ITFG1: variants seen among roughly 807,000 people sequenced by gnomAD.
The protein encoded by ITFG1 is T-cell immunomodulatory protein.
Under a neutral mutation model 81.8 loss-of-function variants are expected in ITFG1, and 34 were observed. The ratio of observed to expected loss-of-function variants is 0.42; its 90% CI spans 0.32 to 0.55. ITFG1 has a LOEUF of 0.55. ITFG1 is among the 20% of genes least tolerant of loss of function. The probability of loss-of-function intolerance (pLI) is 0.17; values close to 1 mark genes in which losing one functional copy is unlikely to be tolerated. For synonymous variants in ITFG1, 285 were observed against 270.6 expected, an observed-to-expected ratio of 1.05 and a Z score of -0.52; for missense variants, 672 against 755.4, an observed-to-expected ratio of 0.89 and a Z score of 1.29.
intron 1 of ITFG1, among the ~76,000 whole-genome samples, chr16:47,459,565 T>C (rs1218786660): frequency 2.0e-5 from 3 of 152,198 alleles, no homozygotes; most frequent in Non-Finnish European, 4.4e-5. Flanking sequence ...TTTGGTTCAT[T>C]ACACAGATGC....
chr16:47,309,206 C>G (rs544532332), intron 10 of ITFG1, among the ~76,000 whole-genome samples: 22 of 151,746 alleles, frequency 1.4e-4, no homozygotes, highest in African/African-American at 5.1e-4. Context: ...GTAGCTGGGA[C>G]TACAGGCGCC....
chr16:47,445,563 T>C (rs1463666863), intron 5 of ITFG1, among the ~76,000 whole-genome samples: 2 of 152,210 alleles, frequency 1.3e-5, no homozygotes, highest in African/African-American at 2.4e-5. Flanking sequence ...GATGGTCACA[T>C]TATTTCCCAT....
At chr16:47,333,001 A>C (rs1967655112) in intron 8 of ITFG1, among the ~76,000 whole-genome samples, 1 of 152,194 alleles carries the variant, frequency 6.6e-6, no homozygotes, top group African/African-American at 2.4e-5. Flanking sequence ...TGAATTAATC[A>C]CCGAAAGGGA....
At chr16:47,176,531 T>C (rs1033633057) in intron 14 of ITFG1, among the ~76,000 whole-genome samples, 4 of 152,214 alleles carry the variant, frequency 2.6e-5, no homozygotes, top group Non-Finnish European at 4.4e-5. Flanking sequence ...AACCTACAAA[T>C]GATTTGGCCA....
At chr16:47,357,708 C>A (rs1390195468) in intron 8 of ITFG1, among the ~76,000 whole-genome samples, 2 of 151,592 alleles carry the variant, frequency 1.3e-5, no homozygotes, top group African/African-American at 4.8e-5. Flanking sequence ...AACACTCTTA[C>A]CTAGAAAGGC....
chr16:47,266,364 C>A (rs140850094), intron 10 of ITFG1, among the ~76,000 whole-genome samples: 1 of 152,058 alleles, frequency 6.6e-6, no homozygotes, highest in Non-Finnish European at 1.5e-5. Flanking sequence ...ATTACAGGCG[C>A]CTGCAATCAT....
chr16:47,183,478 C>T (rs970786015), intron 14 of ITFG1, among the ~76,000 whole-genome samples: 1 of 152,190 alleles, frequency 6.6e-6, no homozygotes, highest in East Asian at 1.9e-4. Flanking sequence ...GACCCCTGAC[C>T]CCTGACCCCC....
intron 10 of ITFG1, among the ~76,000 whole-genome samples, chr16:47,307,934 A>G (rs1256749437): frequency 6.6e-6 from 1 of 152,176 alleles, no homozygotes; most frequent in Non-Finnish European, 1.5e-5. Flanking sequence ...GCCTAGGAAA[A>G]TGGCCTCTAG....
chr16:47,361,004 T>C (rs1019774954), intron 8 of ITFG1, among the ~76,000 whole-genome samples: 6 of 152,326 alleles, frequency 3.9e-5, no homozygotes, highest in Admixed American at 3.3e-4. Context: ...GGGTTAACCA[T>C]CAATGACACT....
intron 12 of ITFG1, among the ~76,000 whole-genome samples, chr16:47,238,549 A>G (rs1030434504): frequency 6.6e-6 from 1 of 152,218 alleles, no homozygotes; most frequent in African/African-American, 2.4e-5. Flanking sequence ...TTTATTGTAT[A>G]ACCAGCAAAA....
chr16:47,363,208 C>T (rs1021267704), intron 8 of ITFG1, among the ~76,000 whole-genome samples: 1 of 151,838 alleles, frequency 6.6e-6, no homozygotes, highest in Admixed American at 6.6e-5. Flanking sequence ...CTGTAAAATT[C>T]CTAAAGACAA....
intron 13 of ITFG1, among the ~76,000 whole-genome samples, chr16:47,230,285 A>C (rs1354321631): frequency 6.6e-6 from 1 of 152,202 alleles, no homozygotes; most frequent in African/African-American, 2.4e-5. Flanking sequence ...AAGAAAGAGC[A>C]GGAAGGCAGC....
chr16:47,177,974 A>C (rs1965051154), intron 14 of ITFG1, among the ~76,000 whole-genome samples: 1 of 152,226 alleles, frequency 6.6e-6, no homozygotes, highest in Non-Finnish European at 1.5e-5. Context: ...CAGAAGTGAA[A>C]ACAAAAAAGG....
chr16:47,181,987 G>C (rs1033271172), intron 14 of ITFG1, among the ~76,000 whole-genome samples: 1 of 152,026 alleles, frequency 6.6e-6, no homozygotes, highest in Admixed American at 6.6e-5. Flanking sequence ...AAGGCAGCAG[G>C]CTCCTTAAGA....
intron 4 of ITFG1, among the ~76,000 whole-genome samples, chr16:47,451,948 C>G (rs1277015221): frequency 6.6e-6 from 1 of 152,214 alleles, no homozygotes; most frequent in Non-Finnish European, 1.5e-5. Context: ...CCTAAGCCAA[C>G]TTGTTTACTT....
chr16:47,315,370 G>C (rs2151566190), intron 8 of ITFG1, among the ~76,000 whole-genome samples: 1 of 151,770 alleles, frequency 6.6e-6, no homozygotes, highest in East Asian at 1.9e-4. Context: ...ATACAAAAAT[G>C]TGATTTACAA....
intron 10 of ITFG1, among the ~76,000 whole-genome samples, chr16:47,291,913 G>A (rs765993461): frequency 3.3e-5 from 5 of 151,202 alleles, no homozygotes; most frequent in Non-Finnish European, 7.4e-5. Flanking sequence ...CTGAGTTTCC[G>A]TAATATCATT....
At chr16:47,444,158 T>C (rs1305053775) in intron 5 of ITFG1, among the ~76,000 whole-genome samples, 1 of 152,186 alleles carries the variant, frequency 6.6e-6, no homozygotes, top group Non-Finnish European at 1.5e-5. Context: ...TGACTCAATG[T>C]ATATTGTAGG....
At chr16:47,204,327 G>C (rs1054123395) in intron 14 of ITFG1, among the ~76,000 whole-genome samples, 3 of 152,104 alleles carry the variant, frequency 2.0e-5, no homozygotes, top group African/African-American at 7.2e-5. Context: ...TGATTTCAAA[G>C]TTTGAATTTC....
Sources: gnomAD v4.1 joint callset for allele counts (sites outside exome capture counted in the v4.1 genomes callset) on GRCh38, gnomAD v4.1.1 for gene constraint, MANE v1.5 for transcripts, NCBI Gene and HGNC (gene_info 2026-07-23, HGNC 2026-07-21) for gene names.